Variants in FBXL17 observed in about 807,000 individuals in gnomAD.
The protein encoded by FBXL17 is F-box/LRR-repeat protein 17.
FBXL17 carries 22 observed loss-of-function variants against 66.2 expected under a neutral mutation model. That is an observed-to-expected ratio of 0.33 (90% confidence interval 0.24 to 0.47). The LOEUF (loss-of-function observed/expected upper bound fraction) is 0.47, where lower values mean the gene tolerates loss of function less well. Ranked by LOEUF, FBXL17 falls within the 20% of genes least tolerant of loss-of-function variation. The probability of loss-of-function intolerance (pLI) is 1.00; values close to 1 mark genes in which losing one functional copy is unlikely to be tolerated. For synonymous variants in FBXL17, 474 were observed against 400.5 expected (o/e 1.18, Z -2.19); for missense variants, 878 against 948.2 (o/e 0.93, Z 0.97).
chr5:108,252,995 G>A (rs1402763946), intron 4 of FBXL17, among the ~76,000 whole-genome samples: 1 of 152,114 alleles, frequency 6.6e-6, no homozygotes, highest in East Asian at 1.9e-4. Flanking sequence ...AAGGATTTAC[G>A]ATTCTGTATC....
chr5:108,200,373 G>C (rs1753842142), intron 5 of FBXL17, among the ~76,000 whole-genome samples: 1 of 152,006 alleles, frequency 6.6e-6, no homozygotes, highest in Non-Finnish European at 1.5e-5. Flanking sequence ...AAAAGAAGGA[G>C]GAAGGGGGGC....
At chr5:108,355,383 G>T (rs927485352) in intron 3 of FBXL17, among the ~76,000 whole-genome samples, 1 of 151,782 alleles carries the variant, frequency 6.6e-6, no homozygotes, top group Middle Eastern at 3.2e-3. Flanking sequence ...CCGCCTCCCA[G>T]GTTCAAGCAA....
chr5:107,900,539 C>T (rs145408713), intron 7 of FBXL17, among the ~76,000 whole-genome samples: 143 of 152,240 alleles, frequency 9.4e-4, no homozygotes, highest in African/African-American at 3.3e-3. Flanking sequence ...CTTTCAACAA[C>T]AACAAACTGT....
At chr5:108,003,652 T>G (rs1753820655) in intron 7 of FBXL17, among the ~76,000 whole-genome samples, 1 of 152,132 alleles carries the variant, frequency 6.6e-6, no homozygotes, top group Admixed American at 6.5e-5. Context: ...AGCAGATTTA[T>G]GAAAAAGAAT....
intron 6 of FBXL17, among the ~76,000 whole-genome samples, chr5:108,180,185 T>C (rs1003914974): frequency 9.9e-5 from 15 of 152,178 alleles, no homozygotes; most frequent in Non-Finnish European, 2.9e-5. Context: ...AGTTTGCAAC[T>C]TCAAATGGTC....
In FBXL17 at chr5:108,158,395, A is replaced by C. The variant is rs148252861; in HGVS notation, c.1745+27722T>G. Among the ~76,000 whole-genome samples the C allele has an allele frequency of 3.9e-5, 6 of 152,266 alleles. No homozygotes were observed. In the East Asian group the frequency reaches 9.6e-4, roughly 24 times the overall value. ...TAATAAGAAAATTAAAACCTCAAAA[A>C]AGGGGCTTAAGCAACTAGGAAGTAG... is the stretch of plus-strand genomic sequence containing the variant. On this transcript the variant is annotated intron_variant, in intron 6 of 8. Transcript: ENST00000542267.
At chr5:108,236,449 G>GTGGAGA (rs1755607465) in intron 4 of FBXL17, among the ~76,000 whole-genome samples, 1 of 151,830 alleles carries the variant, frequency 6.6e-6, no homozygotes, top group Non-Finnish European at 1.5e-5. Context: ...GGAAGTGGAG[G>GTGGAGA]TTGCAGTGAG....
chr5:107,960,550 T>C (rs1751860947), intron 7 of FBXL17, among the ~76,000 whole-genome samples: 2 of 152,188 alleles, frequency 1.3e-5, no homozygotes, highest in South Asian at 4.1e-4. Flanking sequence ...TTTAGATTTC[T>C]ATAGGAGTTC....
At chr5:108,203,760 T>A (rs1049786269) in intron 5 of FBXL17, among the ~76,000 whole-genome samples, 7 of 152,134 alleles carry the variant, frequency 4.6e-5, no homozygotes, top group Non-Finnish European at 7.4e-5. Flanking sequence ...CAATCGATTG[T>A]TTGAAAATTT....
At chr5:108,357,596 T>C (rs940145571) in intron 3 of FBXL17, among the ~76,000 whole-genome samples, 3 of 151,934 alleles carry the variant, frequency 2.0e-5, no homozygotes, top group Non-Finnish European at 2.9e-5. Flanking sequence ...AAAACACACA[T>C]TCACAAATTT....
chr5:108,176,980 A>T (rs1752816386), intron 6 of FBXL17, among the ~76,000 whole-genome samples: 1 of 152,216 alleles, frequency 6.6e-6, no homozygotes, highest in Non-Finnish European at 1.5e-5. Context: ...TTCTTGCCAA[A>T]GGTACTGAAC....
chr5:108,151,782 C>G (rs1751781111), intron 6 of FBXL17, among the ~76,000 whole-genome samples: 1 of 152,166 alleles, frequency 6.6e-6, no homozygotes, highest in South Asian at 2.1e-4. Context: ...GGCAGACATT[C>G]AAAGGAAGTG....
chr5:108,272,005 C>A (rs953432858), intron 4 of FBXL17, among the ~76,000 whole-genome samples: 1 of 152,130 alleles, frequency 6.6e-6, no homozygotes, highest in Non-Finnish European at 1.5e-5. Context: ...AAAAAGCAAC[C>A]AACGGCCGGG....
intron 4 of FBXL17, among the ~76,000 whole-genome samples, chr5:108,244,224 T>C (rs1755990558): frequency 6.6e-6 from 1 of 152,180 alleles, no homozygotes; most frequent in Non-Finnish European, 1.5e-5. Context: ...TTGCCCATTC[T>C]CATATCCTTT....
chr5:108,158,410 C>A (rs158171), intron 6 of FBXL17, among the ~76,000 whole-genome samples: 99,836 of 151,918 alleles, frequency 0.66, 33,827 homozygotes, highest in East Asian at 0.93. Flanking sequence ...GCTTAAGCAA[C>A]TAGGAAGTAG....
intron 6 of FBXL17, among the ~76,000 whole-genome samples, chr5:108,097,528 C>G (rs947015031): frequency 2.0e-5 from 3 of 152,016 alleles, no homozygotes; most frequent in African/African-American, 7.3e-5. Flanking sequence ...TGGTGGCTCA[C>G]GCCTGTAATC....
chr5:107,876,369 T>C (rs1250674966), intron 8 of FBXL17, among the ~76,000 whole-genome samples: 1 of 152,258 alleles, frequency 6.6e-6, no homozygotes, highest in South Asian at 2.1e-4. Context: ...TAAAAAAAAA[T>C]AGAAAGTGAA....
At chr5:107,904,371 C>T (rs1380150115) in intron 7 of FBXL17, among the ~76,000 whole-genome samples, 1 of 152,106 alleles carries the variant, frequency 6.6e-6, no homozygotes, top group East Asian at 1.9e-4. Context: ...CATCTCCAAC[C>T]CCACTGACTC....
chr5:108,180,378 G>A (rs1752953704), intron 6 of FBXL17, among the ~76,000 whole-genome samples: 1 of 151,830 alleles, frequency 6.6e-6, no homozygotes, highest in Non-Finnish European at 1.5e-5. Flanking sequence ...CCACATGGTG[G>A]GGCTGTAAAC....
Sources: gnomAD v4.1 joint callset for allele counts (sites outside exome capture counted in the v4.1 genomes callset) on GRCh38, gnomAD v4.1.1 for gene constraint, MANE v1.5 for transcripts, NCBI Gene and HGNC (gene_info 2026-07-23, HGNC 2026-07-21) for gene names.